Variants in ADK observed in about 807,000 individuals in gnomAD.
ADK encodes adenosine kinase.
ADK carries 24 observed loss-of-function variants against 44.7 expected under a neutral mutation model. The ratio of observed to expected loss-of-function variants is 0.54; its 90% confidence interval spans 0.39 to 0.76. ADK has a LOEUF of 0.76. ADK is among the 30% of genes least tolerant of loss of function. The pLI is 0.00. For missense variants in ADK, 321 were observed against 425.1 expected (o/e 0.76, Z 2.15); for synonymous variants, 128 against 142.6 (o/e 0.90, Z 0.73).
intron 4 of ADK, among the ~76,000 whole-genome samples, chr10:74,325,801 A>G (rs1264557585): frequency 6.6e-6 from 1 of 151,986 alleles, no homozygotes; most frequent in Non-Finnish European, 1.5e-5. Context: ...AACCATTCAT[A>G]TATCCATGGG....
chr10:74,220,439 G>A (rs1486003300), intron 2 of ADK, among the ~76,000 whole-genome samples: 1 of 151,940 alleles, frequency 6.6e-6, no homozygotes, highest in Admixed American at 6.6e-5. Flanking sequence ...TCTACCAGAG[G>A]TACAAGGAGG....
intron 10 of ADK, among the ~76,000 whole-genome samples, chr10:74,686,923 G>A (rs755973666): frequency 3.9e-4 from 60 of 152,090 alleles, no homozygotes; most frequent in Non-Finnish European, 7.6e-4. Flanking sequence ...TGATCCACCC[G>A]CCTCAACCTC....
chr10:74,548,136 A>G (rs1054938100), intron 7 of ADK, among the ~76,000 whole-genome samples: 2 of 152,174 alleles, frequency 1.3e-5, no homozygotes, highest in African/African-American at 2.4e-5. Context: ...AATTATGTCA[A>G]TTATAATTTT....
intron 9 of ADK, 101 bp from the exon 10 acceptor site, chr10:74,670,082 T>C: frequency 1.1e-6 from 1 of 927,434 alleles, no homozygotes; most frequent in Non-Finnish European, 1.8e-6. Flanking sequence ...CTGTCTCTCT[T>C]TGAATGATGA....
chr10:74,632,141 T>C (rs1384127985), intron 9 of ADK, among the ~76,000 whole-genome samples: 1 of 152,200 alleles, frequency 6.6e-6, no homozygotes, highest in Non-Finnish European at 1.5e-5. Flanking sequence ...TAAGCAACGA[T>C]TAATCTACTT....
intron 6 of ADK, among the ~76,000 whole-genome samples, chr10:74,476,793 G>A (rs1846865105): frequency 6.6e-6 from 1 of 152,140 alleles, no homozygotes; most frequent in Admixed American, 6.6e-5. Flanking sequence ...CTTTACGGTA[G>A]TTGGTCCCTT....
chr10:74,577,885 T>C (rs1406671082), intron 7 of ADK, among the ~76,000 whole-genome samples: 1 of 152,220 alleles, frequency 6.6e-6, no homozygotes, highest in Non-Finnish European at 1.5e-5. Flanking sequence ...TTACTCACAG[T>C]AGTTTAAAAA....
intron 1 of ADK, among the ~76,000 whole-genome samples, chr10:74,190,087 T>G (rs1842909602): frequency 6.6e-6 from 1 of 152,258 alleles, no homozygotes. Context: ...GTTCTATTTT[T>G]CTATTTCCCC....
At chr10:74,342,092 C>T (rs1308062754) in intron 4 of ADK, among the ~76,000 whole-genome samples, 8 of 152,174 alleles carry the variant, frequency 5.3e-5, no homozygotes, top group Non-Finnish European at 1.2e-4. Context: ...CATTAGCTCT[C>T]ACCCACTCAA....
At chr10:74,654,520 A>G (rs1854405384) in intron 9 of ADK, among the ~76,000 whole-genome samples, 1 of 152,256 alleles carries the variant, frequency 6.6e-6, no homozygotes, top group Non-Finnish European at 1.5e-5. Flanking sequence ...CAATTCAAGT[A>G]TTAATTCAGG....
At chr10:74,640,375 C>G (rs952857300) in intron 9 of ADK, among the ~76,000 whole-genome samples, 1 of 152,200 alleles carries the variant, frequency 6.6e-6, no homozygotes, top group African/African-American at 2.4e-5. Context: ...TTAAGAGACT[C>G]GGCAGGACTC....
At chr10:74,575,329 A>C (rs532573708) in intron 7 of ADK, among the ~76,000 whole-genome samples, 1 of 152,364 alleles carries the variant, frequency 6.6e-6, no homozygotes, top group African/African-American at 2.4e-5. Context: ...CTATACAAAT[A>C]ACTGTGTCTG....
intron 6 of ADK, among the ~76,000 whole-genome samples, chr10:74,424,535 C>CAAAAAAAAAAAAAAAAAAA (rs57106986): frequency 2.1e-4 from 12 of 58,460 alleles, no homozygotes; most frequent in African/African-American, 8.0e-4. Context: ...AACTCCGTCT[C>CAAAAAAAAAAAAAAAAAAA]AAAAAAAAAA....
At chr10:74,283,136 T>C (rs1322098814) in intron 3 of ADK, among the ~76,000 whole-genome samples, 1 of 152,188 alleles carries the variant, frequency 6.6e-6, no homozygotes, top group Non-Finnish European at 1.5e-5. Context: ...GTTTAACAAA[T>C]ATTCTGTTTT....
At chr10:74,391,738 A>G (rs530657051) in intron 4 of ADK, among the ~76,000 whole-genome samples, 1 of 151,468 alleles carries the variant, frequency 6.6e-6, no homozygotes, top group South Asian at 2.1e-4. Flanking sequence ...TAACTCTACC[A>G]TCTTAACCAT....
intron 6 of ADK, chr10:74,506,520 C>A (rs1270917686): frequency 6.5e-6 from 1 of 154,444 alleles, no homozygotes; most frequent in Non-Finnish European, 1.4e-5. Context: ...ATGCAATTTA[C>A]TGTAAGATGT....
intron 3 of ADK, among the ~76,000 whole-genome samples, chr10:74,274,747 T>TATATATATATATATATATATATATAC (rs532758145): frequency 4.7e-4 from 45 of 95,328 alleles, no homozygotes; most frequent in African/African-American, 1.5e-3. Flanking sequence ...TATATATATA[T>TATATATATATATATATATATATATAC]ACACACACAC....
At chr10:74,372,112 A>G in intron 4 of ADK, 2 of 749,462 alleles carry the variant, frequency 2.7e-6, no homozygotes, top group Non-Finnish European at 4.9e-6. Context: ...TCCCATGAAC[A>G]CCCATGGGAA....
chr10:74,403,018 C>A (rs180674217), intron 6 of ADK, among the ~76,000 whole-genome samples: 1 of 152,130 alleles, frequency 6.6e-6, no homozygotes, highest in Admixed American at 6.6e-5. Context: ...GAGGTCCACT[C>A]CAGACCCTGT....
Sources: allele counts gnomAD v4.1 joint callset (sites outside exome capture counted in the v4.1 genomes callset), GRCh38; gene constraint gnomAD v4.1.1; transcripts MANE v1.5; gene names NCBI Gene and HGNC (gene_info 2026-07-23, HGNC 2026-07-21).